The following HNF4G variants were observed in gnomAD, a reference collection of about 807,000 sequenced individuals.
The protein encoded by HNF4G is hepatocyte nuclear factor 4-gamma.
HNF4G carries 21 observed loss-of-function variants against 50.9 expected under a neutral mutation model. The observed-to-expected ratio is 0.41, with a 90% CI of 0.29 to 0.59. HNF4G has a LOEUF of 0.59. Among genes scored for constraint, HNF4G ranks in the 20% least tolerant of loss-of-function variants. The pLI, the probability that HNF4G is intolerant of heterozygous loss-of-function variation, is 0.26. For synonymous variants in HNF4G, 198 were observed against 185.6 expected, an observed-to-expected ratio of 1.07 and a Z score of -0.54; for missense variants, 527 against 559.4, an observed-to-expected ratio of 0.94 and a Z score of 0.58.
At chr8:75,552,999 TC>T in intron 4 of HNF4G, 42 bp from the exon 5 acceptor site, 1 of 1,413,004 alleles carries the variant, frequency 7.1e-7, no homozygotes. Flanking sequence ...ATGTTGGCCA[TC>T]TATTATTTTA....
intron 1 of HNF4G, among the ~76,000 whole-genome samples, chr8:75,455,501 A>G (rs1811699452): frequency 1.3e-5 from 2 of 152,142 alleles, no homozygotes; most frequent in Non-Finnish European, 2.9e-5. Flanking sequence ...AATTCAATCA[A>G]TTGCCCCAAC....
intron 1 of HNF4G, among the ~76,000 whole-genome samples, chr8:75,434,644 A>C (rs901926313): frequency 1.3e-5 from 2 of 151,884 alleles, no homozygotes; most frequent in African/African-American, 4.8e-5. Context: ...AACGCTTAAC[A>C]AAATGATTCC....
intron 1 of HNF4G, among the ~76,000 whole-genome samples, chr8:75,452,914 T>C (rs1811620918): frequency 6.6e-6 from 1 of 152,222 alleles, no homozygotes; most frequent in Admixed American, 6.5e-5. Context: ...TCTCTATTAT[T>C]AATTTTGGTT....
At chr8:75,467,231 TG>T (rs1234926158) in intron 1 of HNF4G, among the ~76,000 whole-genome samples, 1 of 152,222 alleles carries the variant, frequency 6.6e-6, no homozygotes, top group Non-Finnish European at 1.5e-5. Flanking sequence ...TCAAGAAATG[TG>T]TGAGTGCAAA....
intron 2 of HNF4G, among the ~76,000 whole-genome samples, chr8:75,494,535 T>TA (rs532052016): frequency 1.0e-3 from 152 of 152,298 alleles, no homozygotes; most frequent in Middle Eastern, 3.4e-3. Context: ...AATTTGTTTT[T>TA]ATTGAACGTA....
rs1003791440 is a variant in HNF4G at position 75,564,172 on chromosome 8, T to G, written c.*76T>G. 6.7e-7 allele frequency: 1 copy of G among 1,492,770 alleles called. No individual in the cohort carries two copies. Among genetic ancestry groups the G allele is most frequent in the Non-Finnish European group, 9.2e-7 (1 of 1,088,812 alleles). 92.5% of individuals were successfully genotyped at this position (1,492,770 alleles called of 1,614,324 possible). A position where few individuals can be genotyped will look rare whatever the true frequency, so the allele number is the denominator to read the frequency against. On this transcript the variant is annotated 3_prime_UTR_variant, in exon 10 of 10. Coordinates refer to ENST00000396423, the MANE Select transcript of HNF4G (RefSeq NM_004133.5). ...CTTGAAATATCTCAGGATAGCACTT[T>G]TGGCAAACTCTTAGCCAAGGCTTCT...
At chr8:75,535,976 G>C (rs1012712588), upstream of HNF4G, among the ~76,000 whole-genome samples, 10 of 151,920 alleles carry the variant, frequency 6.6e-5, no homozygotes, top group East Asian at 1.9e-3. Context: ...CATGCCAGTT[G>C]CTTGGGAGAA....
intron 2 of HNF4G, among the ~76,000 whole-genome samples, chr8:75,513,747 C>T (rs1805815101): frequency 6.6e-6 from 1 of 151,516 alleles, no homozygotes. Flanking sequence ...TTTTTTCTTA[C>T]TTTGCTTTTT....
intron 1 of HNF4G, among the ~76,000 whole-genome samples, chr8:75,460,028 G>T (rs1245989177): frequency 6.6e-6 from 1 of 151,816 alleles, no homozygotes; most frequent in Non-Finnish European, 1.5e-5. Flanking sequence ...AACTCATGCT[G>T]TATGATGATT....
intron 1 of HNF4G, among the ~76,000 whole-genome samples, chr8:75,439,468 A>T (rs1384072348): frequency 6.6e-6 from 1 of 151,964 alleles, no homozygotes; most frequent in Non-Finnish European, 1.5e-5. Context: ...AAATTATAGG[A>T]CTCATCATAA....
chr8:75,536,930 G>T (rs1051161183), upstream of HNF4G, among the ~76,000 whole-genome samples: 2 of 152,024 alleles, frequency 1.3e-5, no homozygotes, highest in Non-Finnish European at 2.9e-5. Flanking sequence ...TAGAGAGGAA[G>T]ATTGGTTATA....
At chr8:75,527,442 G>T (rs569795405) in intron 2 of HNF4G, among the ~76,000 whole-genome samples, 1 of 152,120 alleles carries the variant, frequency 6.6e-6, no homozygotes, top group Admixed American at 6.5e-5. Context: ...AGGAGCAGTC[G>T]TTCAGTATTC....
At chr8:75,544,475 G>A (rs1806714524) in intron 2 of HNF4G, among the ~76,000 whole-genome samples, 1 of 152,094 alleles carries the variant, frequency 6.6e-6, no homozygotes, top group Non-Finnish European at 1.5e-5. Context: ...AATTATGAAA[G>A]TGCAGATGAT....
chr8:75,542,922 C>G (rs373812177), intron 1 of HNF4G, among the ~76,000 whole-genome samples: 1 of 152,308 alleles, frequency 6.6e-6, no homozygotes, highest in East Asian at 1.9e-4. Context: ...CGCAGTGGCT[C>G]ACGCCTATAA....
intron 2 of HNF4G, among the ~76,000 whole-genome samples, chr8:75,529,057 C>G (rs770706030): frequency 1.3e-5 from 2 of 151,870 alleles, no homozygotes; most frequent in African/African-American, 2.4e-5. Flanking sequence ...GAGGCCGAGA[C>G]GGACGGTTCA....
chr8:75,521,884 A>G (rs1177132993), intron 2 of HNF4G, among the ~76,000 whole-genome samples: 1 of 152,048 alleles, frequency 6.6e-6, no homozygotes, highest in Non-Finnish European at 1.5e-5. Context: ...CCCCACACAC[A>G]GTCCTTGCCT....
rs572743499 is a variant in HNF4G at position 75,552,854 on chromosome 8, G to A, written c.490-188G>A. Among the ~76,000 whole-genome samples, 16 of 151,822 alleles carry A rather than the reference G, an allele frequency of 1.1e-4. No individual in the cohort carries two copies. In the East Asian group the frequency reaches 3.1e-3, roughly 29 times the overall value. On this transcript the variant is annotated intron_variant, in intron 4 of 9. Transcript: ENST00000396423. ...TTTTAAATTAACTTGTAAACTTATA[G>A]GTATTTTATTTTTCAATTTAAATCA...
At chr8:75,488,234 A>T (rs1171614003) in intron 1 of HNF4G, among the ~76,000 whole-genome samples, 1 of 152,112 alleles carries the variant, frequency 6.6e-6, no homozygotes, top group African/African-American at 2.4e-5. Context: ...TGTTAAATGT[A>T]ATTTGACAAA....
chr8:75,412,214 G>A (rs531692487), intron 1 of HNF4G, among the ~76,000 whole-genome samples: 1 of 152,310 alleles, frequency 6.6e-6, no homozygotes, highest in South Asian at 2.1e-4. Flanking sequence ...CAGCTAAGCA[G>A]TGTAGAGAAA....
Sources: allele counts gnomAD v4.1 joint callset (sites outside exome capture counted in the v4.1 genomes callset), GRCh38; gene constraint gnomAD v4.1.1; transcripts MANE v1.5; gene names NCBI Gene and HGNC (gene_info 2026-07-23, HGNC 2026-07-21).